OPRK1: variants seen among roughly 807,000 people sequenced by gnomAD.
OPRK1 encodes the protein kappa-type opioid receptor.
A neutral mutation model predicts 24.5 loss-of-function variants in OPRK1; 15 were observed. That is an observed-to-expected ratio of 0.61 (90% CI 0.41 to 0.94). OPRK1 has a LOEUF of 0.94. Among genes scored for constraint, OPRK1 ranks in the 40% least tolerant of loss-of-function variants. OPRK1 has a pLI of 0.00. For missense variants in OPRK1, 479 were observed against 507.3 expected, an observed-to-expected ratio of 0.94 and a Z score of 0.54; for synonymous variants, 205 against 198.0, an observed-to-expected ratio of 1.04 and a Z score of -0.30.
In OPRK1 at chr8:53,227,341, T is replaced by C. The variant is rs1429889624; in HGVS notation, c.*1956A>G. The C allele has an allele frequency of 2.0e-5, 3 of 152,152 alleles. No homozygotes were observed. Among genetic ancestry groups the C allele is most frequent in the Non-Finnish European group, 4.4e-5 (3 of 68,026 alleles). The allele number at this position is 152,152 out of a possible 1,614,324, so 9.4% of individuals were successfully genotyped here. The stretch of plus-strand genomic sequence containing the variant: ...TTTCATCTCATAATCCTATCTCTGT[T>C]ATACTTTGCACTGGAAAGGAATCTG... On this transcript the variant is annotated 3_prime_UTR_variant, in exon 4 of 4. Transcript: ENST00000265572.
In OPRK1 at chr8:53,234,778, T is replaced by C. The variant is rs202106425; in HGVS notation, c.591A>G (p.Gly197=). Residue 197 remains glycine, a synonymous_variant, in exon 3 of 4, where the codon GGA becomes GGG. Transcript: ENST00000265572. ...TCTTACCTTCCCTGACTTTGGTGCCTCCAAGGACTATTGCAGAGATGCCAA... is the reference window on the plus strand; with the variant it reads ...TCTTACCTTCCCTGACTTTGGTGCCCCCAAGGACTATTGCAGAGATGCCAA... ...SSVGISAIVL[G]GTKVREDVDV... is the part of the protein sequence containing the mutation. The C allele has an allele frequency of 1.1e-5, 17 of 1,613,104 alleles. No homozygotes were observed. The highest frequency in any genetic ancestry group is 5.5e-5 in the South Asian group (5 of 91,072).
intron 2 of OPRK1, among the ~76,000 whole-genome samples, chr8:53,247,330 G>A (rs951214737): frequency 9.2e-5 from 14 of 152,344 alleles, no homozygotes; most frequent in Middle Eastern, 3.4e-3. Context: ...TTCTGGCCCC[G>A]TGAGTTACCC....
Position 53,234,679 on chromosome 8 carries a change from T to C in OPRK1, c.610+80A>G, listed in dbSNP as rs887534409. On this transcript the variant is annotated intron_variant, in intron 3 of 3. Coordinates refer to ENST00000265572, the MANE Select transcript of OPRK1 (RefSeq NM_000912.5). ...TTGGCATCGATTTCCACTAAATATG[T>C]GGCCTACTCACGCTCAAATTAAAAG... 8 of 1,216,526 alleles carry C rather than the reference T, an allele frequency of 6.6e-6. No homozygotes were observed. In the African/African-American group the frequency reaches 1.1e-4, roughly 16 times the overall value. The allele number at this position is 1,216,526 out of a possible 1,614,324, so 75.4% of individuals were successfully genotyped here. A position where few individuals can be genotyped will look rare whatever the true frequency, so the allele number is the denominator to read the frequency against.
At chr8:53,229,863 AC>A in intron 3 of OPRK1, 34 bp from the exon 4 acceptor site, 1 of 1,510,820 alleles carries the variant, frequency 6.6e-7, no homozygotes, top group Non-Finnish European at 8.9e-7. Context: ...CAACACAGAA[AC>A]CTGTTATTGT....
chr8:53,238,657 C>T (rs1020678010), intron 2 of OPRK1: 180 of 985,230 alleles, frequency 1.8e-4, no homozygotes, highest in Non-Finnish European at 2.1e-4. Flanking sequence ...TACAGAGAAA[C>T]GAGGGTTGGC....
intron 2 of OPRK1, among the ~76,000 whole-genome samples, chr8:53,238,226 T>C (rs1401525421): frequency 6.6e-6 from 1 of 152,214 alleles, no homozygotes; most frequent in Non-Finnish European, 1.5e-5. Context: ...TTTCTCATTA[T>C]GCTATGATAT....
At position 53,239,194 on chromosome 8, in the gene OPRK1, C is replaced by T. The variant is rs72651166; in HGVS notation, c.258-4083G>A. ...GTGCATGGCCCCTCCTCTGTCTTTA[C>T]TCTTTCATTTCCCTACCCCATAAGT... is the stretch of plus-strand genomic sequence containing the variant. On this transcript the variant is annotated intron_variant, in intron 2 of 3. Transcript: ENST00000265572. Among the ~76,000 whole-genome samples, 417 of 152,218 alleles carry T rather than the reference C, an allele frequency of 2.7e-3. 2 individuals carry two copies. Among genetic ancestry groups the T allele is most frequent in the Non-Finnish European group, 4.8e-3 (326 of 68,004 alleles).
rs1807066125 is a variant in OPRK1 at position 53,239,406 on chromosome 8, G to A, written c.258-4295C>T. Among the ~76,000 whole-genome samples the A allele has an allele frequency of 2.0e-5, 3 of 152,310 alleles. No homozygotes were observed. In the South Asian group the frequency reaches 6.2e-4, roughly 32 times the overall value. ...AATTTAGCAGGATCTTGAGATTTGA[G>A]AAAGATCTGGACAGAGAGAGAAGCT... is the stretch of plus-strand genomic sequence containing the variant. On this transcript the variant is annotated intron_variant, in intron 2 of 3. Transcript: ENST00000265572.
rs1333136461 is a variant in OPRK1, at chr8:53,226,864, A to C, written c.*2433T>G. ...CCCCTTGTGGGCACATACAGCTACT[A>C]TTCTCTCCTTGGGCTGCAGACTTAC... On this transcript the variant is annotated 3_prime_UTR_variant, in exon 4 of 4. Transcript: ENST00000265572. The C allele has an allele frequency of 6.6e-6, 1 of 152,244 alleles. No individual in the cohort carries two copies. Among genetic ancestry groups the C allele is most frequent in the East Asian group, 1.9e-4 (1 of 5,188 alleles). 9.4% of individuals were successfully genotyped at this position (152,244 alleles called of 1,614,324 possible).
rs1585625012 is a variant in OPRK1 at position 53,227,962 on chromosome 8, G to A, written c.*1335C>T. 1 of 152,248 alleles carries A rather than the reference G, an allele frequency of 6.6e-6. No individual in the cohort carries two copies. The highest frequency in any genetic ancestry group is 1.9e-4 in the East Asian group (1 of 5,182). 9.4% of individuals were successfully genotyped at this position (152,248 alleles called of 1,614,324 possible). On this transcript the variant is annotated 3_prime_UTR_variant, in exon 4 of 4. Coordinates refer to ENST00000265572, the MANE Select transcript of OPRK1 (RefSeq NM_000912.5). ...AGAAAAAGCCATTACCTCTGAAATG[G>A]TAAGTTTCAGGGGGAAAAAGAGGGA...
chr8:53,242,022 C>T (rs960120570), intron 2 of OPRK1, among the ~76,000 whole-genome samples: 4 of 152,344 alleles, frequency 2.6e-5, no homozygotes, highest in Middle Eastern at 3.4e-3. Flanking sequence ...CGCCCAACAG[C>T]ACCTATAAGA....
intron 2 of OPRK1, chr8:53,238,744 G>T: frequency 2.0e-6 from 2 of 983,776 alleles, no homozygotes; most frequent in African/African-American, 3.5e-5. Flanking sequence ...AGGAACCAGT[G>T]TCACCAGGCA....
At chr8:53,244,908 C>T (rs565704124) in intron 2 of OPRK1, among the ~76,000 whole-genome samples, 1 of 152,172 alleles carries the variant, frequency 6.6e-6, no homozygotes, top group African/African-American at 2.4e-5. Context: ...CCAGGATGCC[C>T]CCGTCAGATC....
At chr8:53,247,978 C>T (rs1434388882) in intron 2 of OPRK1, among the ~76,000 whole-genome samples, 2 of 112,500 alleles carry the variant, frequency 1.8e-5, no homozygotes, top group Admixed American at 1.3e-4. Flanking sequence ...GCAATAGAGC[C>T]AGATTCTGTC....
At chr8:53,230,472 A>G (rs968113356) in intron 3 of OPRK1, among the ~76,000 whole-genome samples, 5 of 152,164 alleles carry the variant, frequency 3.3e-5, no homozygotes, top group Non-Finnish European at 7.4e-5. Context: ...GAGGTGGGGG[A>G]GAATCATCAA....
chr8:53,238,441 G>A (rs919799847), intron 2 of OPRK1: 2 of 706,350 alleles, frequency 2.8e-6, no homozygotes, highest in Non-Finnish European at 3.5e-6. Flanking sequence ...TCGCTAAACT[G>A]ACAACATAAC....
At chr8:53,240,463 C>A (rs1291380806) in intron 2 of OPRK1, among the ~76,000 whole-genome samples, 1 of 152,128 alleles carries the variant, frequency 6.6e-6, no homozygotes, top group East Asian at 1.9e-4. Flanking sequence ...AACACTAGAG[C>A]TGCCCTTGGA....
At position 53,229,262 on chromosome 8, in the gene OPRK1, C is replaced by T; in HGVS notation, c.*35G>A. On this transcript the variant is annotated 3_prime_UTR_variant, in exon 4 of 4. Coordinates refer to ENST00000265572, the MANE Select transcript of OPRK1 (RefSeq NM_000912.5). ...ACCTAGATCATTGAACTCCTCTCTTCCCGAAGAACTGTACGAAGACATCTC... is the reference window on the plus strand; with the variant it reads ...ACCTAGATCATTGAACTCCTCTCTTTCCGAAGAACTGTACGAAGACATCTC... 1.3e-6 allele frequency: 2 copies of T among 1,582,570 alleles called. No homozygotes were observed. Among genetic ancestry groups the T allele is most frequent in the Non-Finnish European group, 1.7e-6 (2 of 1,162,986 alleles).
chr8:53,232,505 C>T (rs2128808123), intron 3 of OPRK1, among the ~76,000 whole-genome samples: 1 of 152,180 alleles, frequency 6.6e-6, no homozygotes, highest in Non-Finnish European at 1.5e-5. Flanking sequence ...CTGGTACCCC[C>T]TAAATATGTA....
Sources: allele counts gnomAD v4.1 joint callset (sites outside exome capture counted in the v4.1 genomes callset), GRCh38; gene constraint gnomAD v4.1.1; transcripts MANE v1.5; gene names NCBI Gene and HGNC (gene_info 2026-07-23, HGNC 2026-07-21).